CD109: variants seen among roughly 807,000 people sequenced by gnomAD.
CD109 encodes CD109 antigen.
In CD109, 149 loss-of-function variants were observed where a neutral mutation model predicts 165.8. The ratio of observed to expected loss-of-function variants is 0.90; its 90% CI spans 0.79 to 1.03. The LOEUF is 1.03. Ranked by LOEUF, CD109 falls within the 50% of genes least tolerant of loss-of-function variation. The pLI is 0.00. For synonymous variants in CD109, 585 were observed against 592.1 expected (o/e 0.99, Z 0.18); for missense variants, 1,712 against 1,677.8 (o/e 1.02, Z -0.36).
intron 30 of CD109, among the ~76,000 whole-genome samples, chr6:73,815,933 G>A (rs1212667766): frequency 6.6e-6 from 1 of 152,150 alleles, no homozygotes; most frequent in East Asian, 1.9e-4. Flanking sequence ...AGGAGCTGCT[G>A]TTTGCTCTTC....
intron 6 of CD109, among the ~76,000 whole-genome samples, 190 bp downstream of exon 6, chr6:73,756,872 A>C (rs1170458844): frequency 1.3e-5 from 2 of 152,182 alleles, no homozygotes; most frequent in Non-Finnish European, 2.9e-5. Flanking sequence ...TACAGAAAAA[A>C]GTAGAAAAAA....
At chr6:73,739,676 G>A (rs1772688870) in intron 5 of CD109, among the ~76,000 whole-genome samples, 1 of 151,888 alleles carries the variant, frequency 6.6e-6, no homozygotes. Context: ...GTGAAACCCC[G>A]TCTCTACTAA....
chr6:73,822,547 A>G (rs1776139030), intron 32 of CD109, among the ~76,000 whole-genome samples: 1 of 152,210 alleles, frequency 6.6e-6, no homozygotes, highest in African/African-American at 2.4e-5. Flanking sequence ...GAGGGATGGA[A>G]TACACTGTGG....
chr6:73,804,915 G>C (rs1397587944), intron 24 of CD109, among the ~76,000 whole-genome samples: 1 of 152,130 alleles, frequency 6.6e-6, no homozygotes, highest in Non-Finnish European at 1.5e-5. Context: ...ATCATCACTG[G>C]CCATCAGAGA....
At position 73,825,611 on chromosome 6, in the gene CD109, T is replaced by C. The variant is rs552536757; in HGVS notation, c.*1978T>C. The C allele has an allele frequency of 6.6e-6, 1 of 152,368 alleles. No homozygotes were observed. Among genetic ancestry groups the C allele is most frequent in the South Asian group, 2.1e-4 (1 of 4,832 alleles). The allele number at this position is 152,368 out of a possible 1,614,324, so 9.4% of individuals were successfully genotyped here. On this transcript the variant is annotated 3_prime_UTR_variant, in exon 33 of 33. Transcript: ENST00000287097. ...ATTGGAAGACAGGTTGTATCTTTTT[T>C]AGACCATATTTCCTTGTTTAAAAAC...
intron 2 of CD109, among the ~76,000 whole-genome samples, chr6:73,707,425 C>T (rs1353937126): frequency 6.6e-6 from 1 of 151,896 alleles, no homozygotes; most frequent in Non-Finnish European, 1.5e-5. Flanking sequence ...AGAGGAGGAA[C>T]AAGGAGGGAA....
At position 73,792,642 on chromosome 6, in the gene CD109, T is replaced by TTCCA. The variant is rs1775011902; in HGVS notation, c.2721_2724dup (p.Asn909HisfsTer16). The TTCCA allele has an allele frequency of 6.2e-7, 1 of 1,613,008 alleles. No individual in the cohort carries two copies. Among genetic ancestry groups the TTCCA allele is most frequent in the Non-Finnish European group, 8.5e-7 (1 of 1,179,894 alleles). On this transcript the variant is annotated frameshift_variant, in exon 23 of 33. Transcript: ENST00000287097. LOFTEE classifies it high-confidence loss of function. The stretch of plus-strand genomic sequence containing the variant: ...TGCTTCCAGGAGATGTTCTTGGTCC[T>TTCCA]TCCATCAATGGCTTAGCCTCATTGA...
chr6:73,727,125 C>A (rs1297410140), intron 3 of CD109, among the ~76,000 whole-genome samples: 2 of 152,144 alleles, frequency 1.3e-5, no homozygotes, highest in East Asian at 3.8e-4. Flanking sequence ...CAGGTTATAA[C>A]CCACTCCAGA....
intron 5 of CD109, among the ~76,000 whole-genome samples, chr6:73,754,714 A>G (rs977536687): frequency 6.6e-6 from 1 of 152,208 alleles, no homozygotes; most frequent in African/African-American, 2.4e-5. Context: ...ACCCTAAGGG[A>G]TAAACTATGC....
chr6:73,768,536 C>T (rs563657694), intron 14 of CD109, among the ~76,000 whole-genome samples: 1 of 152,208 alleles, frequency 6.6e-6, no homozygotes, highest in East Asian at 1.9e-4. Context: ...GAGTGAAATT[C>T]CAGTGGTAAC....
chr6:73,748,692 A>G (rs1180145280), intron 5 of CD109, among the ~76,000 whole-genome samples: 1 of 152,196 alleles, frequency 6.6e-6, no homozygotes, highest in Non-Finnish European at 1.5e-5. Flanking sequence ...GGACACCTCT[A>G]TTTATTAAAC....
intron 15 of CD109, among the ~76,000 whole-genome samples, chr6:73,775,054 G>A (rs1466122655): frequency 2.0e-5 from 3 of 151,494 alleles, no homozygotes; most frequent in East Asian, 3.9e-4. Context: ...CCTTCTTTTC[G>A]TTAGCCTATG....
chr6:73,771,481 T>C lies in CD109; in HGVS notation c.1727T>C (p.Leu576Pro), dbSNP rs142937036. The change falls in exon 15 of 33, where the codon CTT (leucine) becomes CCT (proline). Residue 576 changes from leucine to proline, a missense_variant. By Grantham distance (98) the Leu-to-Pro change is moderately conservative (BLOSUM62 -3). Transcript: ENST00000287097. ...VKAEPSEKVSLRISVTQPDSI... is the reference protein window; with the variant it reads ...VKAEPSEKVSPRISVTQPDSI... ...GCTGAACCATCTGAGAAAGTCTCTC[T>C]TAGGATCTCTGTGACACAGCCTGAC... is the stretch of plus-strand genomic sequence containing the variant. 1.9e-4 allele frequency: 314 copies of C among 1,610,860 alleles called. No homozygotes were observed. In the African/African-American group the frequency reaches 3.8e-3, roughly 20 times the overall value.
At chr6:73,692,254 C>A (rs908205784), upstream of CD109, among the ~76,000 whole-genome samples, 7 of 152,088 alleles carry the variant, frequency 4.6e-5, no homozygotes, top group African/African-American at 1.7e-4. Context: ...GACACAGGAA[C>A]AGTGTGGGGT....
At chr6:73,693,743 G>A (rs546384135), upstream of CD109, among the ~76,000 whole-genome samples, 98 of 152,130 alleles carry the variant, frequency 6.4e-4, no homozygotes, top group African/African-American at 2.1e-3. Flanking sequence ...TAGAGACAGG[G>A]TTTCACCATT....
At chr6:73,680,176 C>T in the CD109 span, among the ~76,000 whole-genome samples, 2 of 152,096 alleles carry the variant, frequency 1.3e-5, no homozygotes, top group Non-Finnish European at 2.9e-5. Flanking sequence ...TCTACAATGT[C>T]TATTTCCTAA....
intron 7 of CD109, among the ~76,000 whole-genome samples, chr6:73,761,014 AACACACACACACAC>A (rs577598100): frequency 0.033 from 4,152 of 124,392 alleles, 78 homozygotes; most frequent in Non-Finnish European, 0.039. Context: ...ACTGTGTCTA[AACACACACACACAC>A]ACACACACAC....
chr6:73,787,098 C>T (rs1562067822), intron 20 of CD109, 136 bp from the exon 21 acceptor site: 2 of 615,364 alleles, frequency 3.3e-6, no homozygotes, highest in South Asian at 2.1e-5. Context: ...TGATACTCTC[C>T]TTGGTCGAAT....
chr6:73,698,480 T>G (rs1462635716), intron 2 of CD109, among the ~76,000 whole-genome samples: 3 of 152,168 alleles, frequency 2.0e-5, no homozygotes, highest in South Asian at 2.1e-4. Context: ...CTACTGCTCC[T>G]GGCCGAGACA....
Sources: allele counts gnomAD v4.1 joint callset (sites outside exome capture counted in the v4.1 genomes callset), GRCh38; gene constraint gnomAD v4.1.1; transcripts MANE v1.5; gene names NCBI Gene and HGNC (gene_info 2026-07-23, HGNC 2026-07-21).